Variants in CNGB1 observed in about 807,000 individuals in gnomAD.
CNGB1 encodes the protein cyclic nucleotide-gated channel beta-1.
In CNGB1, 126 loss-of-function variants were observed where a neutral mutation model predicts 151.7. That is an observed-to-expected ratio of 0.83 (90% confidence interval 0.72 to 0.96). The LOEUF (loss-of-function observed/expected upper bound fraction) is 0.96, where lower values mean the gene tolerates loss of function less well. Among genes scored for constraint, CNGB1 ranks in the 40% least tolerant of loss-of-function variants. The pLI is 0.00. For missense variants in CNGB1, 1,698 were observed against 1,627.0 expected, an observed-to-expected ratio of 1.04 and a Z score of -0.75; for synonymous variants, 623 against 635.1, an observed-to-expected ratio of 0.98 and a Z score of 0.29.
rs1159780540 is a variant in CNGB1 at position 57,917,606 on chromosome 16, ATG to A, written c.1958-132_1958-131del. On this transcript the variant is annotated intron_variant, in intron 20 of 32. Coordinates refer to ENST00000251102, the MANE Select transcript of CNGB1 (RefSeq NM_001297.5). ...GTGGCACTTTTGTAAGAGTGTGTGT[ATG>A]TGTGTGTGTGTGTATATATACACAC... 1.6e-3 allele frequency: 828 copies of A among 518,674 alleles called. 1 individual carries two copies. Among genetic ancestry groups the A allele is most frequent in the Middle Eastern group, 1.8e-3 (4 of 2,186 alleles). The allele number at this position is 518,674 out of a possible 1,614,324, so 32.1% of individuals were successfully genotyped here.
chr16:57,889,773 G>A (rs1443333630), intron 31 of CNGB1, among the ~76,000 whole-genome samples: 2 of 152,164 alleles, frequency 1.3e-5, no homozygotes, highest in African/African-American at 4.8e-5. Context: ...AAGCGGCAAA[G>A]CTAGAATTCA....
intron 30 of CNGB1, 44 bp downstream of exon 30, chr16:57,897,752 A>G (rs750434115): frequency 6.3e-7 from 1 of 1,599,634 alleles, no homozygotes; most frequent in Non-Finnish European, 8.6e-7. Context: ...CTTCTTTCCC[A>G]GCCCTTGCCC....
chr16:57,895,219 G>C (rs947205909), intron 31 of CNGB1, among the ~76,000 whole-genome samples: 1 of 152,168 alleles, frequency 6.6e-6, no homozygotes, highest in Non-Finnish European at 1.5e-5. Flanking sequence ...GCCAAGGCAG[G>C]CAGATCACCT....
Position 57,912,822 on chromosome 16 carries a change from G to A in CNGB1, c.2369+108C>T, listed in dbSNP as rs554240866. Reference sequence around the variant, plus strand: ...ATGTTGTGTGTGTGTTGTGTGTGTCGTGTGTGTGTTGTGTGTGTGTCATCT... The same window carrying A: ...ATGTTGTGTGTGTGTTGTGTGTGTCATGTGTGTGTTGTGTGTGTGTCATCT... On this transcript the variant is annotated intron_variant, in intron 24 of 32. Coordinates refer to ENST00000251102, the MANE Select transcript of CNGB1 (RefSeq NM_001297.5). The A allele has an allele frequency of 1.5e-4, 158 of 1,077,278 alleles. 1 individual carries two copies. The highest frequency in any genetic ancestry group is 1.4e-3 in the Middle Eastern group (7 of 4,928). 66.7% of individuals were successfully genotyped at this position (1,077,278 alleles called of 1,614,324 possible).
At chr16:57,967,341 C>A (rs1450698103) in intron 1 of CNGB1, 47 bp from the exon 2 acceptor site, 13 of 1,586,070 alleles carry the variant, frequency 8.2e-6, no homozygotes, top group Non-Finnish European at 1.1e-5. Flanking sequence ...CTCACAGTAG[C>A]TCCCGCCACT....
In CNGB1 at chr16:57,897,479, G is replaced by A. The variant is rs1418906616; in HGVS notation, c.3160C>T (p.Leu1054Phe). Reference sequence around the variant, plus strand: ...AGGTCCTTCTTATCCAGGATGAAGAGGTTGGTAAACCCGTGCGCCACCACG... The same window carrying A: ...AGGTCCTTCTTATCCAGGATGAAGAAGTTGGTAAACCCGTGCGCCACCACG... ...ANVVAHGFTN[L>F]FILDKKDLNE... Residue 1054 changes from leucine (L) to phenylalanine (F), a missense_variant, in exon 31 of 33, where the codon CTC becomes TTC. Transcript: ENST00000251102. The A allele has an allele frequency of 2.5e-6, 4 of 1,614,088 alleles. No individual in the cohort carries two copies. Among genetic ancestry groups the A allele is most frequent in the African/African-American group, 2.7e-5 (2 of 74,926 alleles).
chr16:57,928,397 G>A (rs757787516), intron 17 of CNGB1, among the ~76,000 whole-genome samples: 2 of 152,214 alleles, frequency 1.3e-5, no homozygotes, highest in Non-Finnish European at 2.9e-5. Context: ...CATGGAGCTG[G>A]AGGAATACCC....
chr16:57,921,760 G>T (rs1048645498), intron 18 of CNGB1, among the ~76,000 whole-genome samples: 1 of 152,202 alleles, frequency 6.6e-6, no homozygotes, highest in Admixed American at 6.5e-5. Flanking sequence ...AGTGGGACAT[G>T]GGAAGGCACA....
At chr16:57,906,648 G>A (rs1237018680) in intron 25 of CNGB1, among the ~76,000 whole-genome samples, 2 of 152,246 alleles carry the variant, frequency 1.3e-5, no homozygotes, top group African/African-American at 2.4e-5. Flanking sequence ...GCGAAGCAGC[G>A]TTTAGCGGGA....
At chr16:57,960,810 A>G in intron 8 of CNGB1, 30 bp downstream of exon 8, 11 of 1,608,898 alleles carry the variant, frequency 6.8e-6, no homozygotes, top group Non-Finnish European at 9.3e-6. Flanking sequence ...CCATATACTC[A>G]ACTCCCTGCC....
intron 17 of CNGB1, among the ~76,000 whole-genome samples, chr16:57,929,476 GGAGA>G (rs59227159): frequency 1.4e-5 from 2 of 145,748 alleles, no homozygotes; most frequent in South Asian, 4.3e-4. Context: ...AGAGAGAGAG[GGAGA>G]GAGAGAGAGA....
At chr16:57,947,771 G>A (rs1034801358) in intron 14 of CNGB1, among the ~76,000 whole-genome samples, 1 of 152,174 alleles carries the variant, frequency 6.6e-6, no homozygotes, top group Non-Finnish European at 1.5e-5. Flanking sequence ...GAGGCCACTG[G>A]GGGACGAGAA....
rs148482321 is a variant in CNGB1 at position 57,950,717 on chromosome 16, G to A, written c.875-177C>T. On this transcript the variant is annotated intron_variant, in intron 12 of 32. Coordinates refer to ENST00000251102, the MANE Select transcript of CNGB1 (RefSeq NM_001297.5). The stretch of plus-strand genomic sequence containing the variant: ...AGCGGGACCAGATCGGTGTTCCGGT[G>A]ATAGGTTGAAGCCTGTGCTCATTCA... 1.2e-3 allele frequency among the ~76,000 whole-genome samples: 180 copies of A among 152,358 alleles called. 1 individual carries two copies. The highest frequency in any genetic ancestry group is 3.9e-3 in the South Asian group (19 of 4,830).
intron 2 of CNGB1, 42 bp downstream of exon 2, chr16:57,967,086 G>A (rs937509255): frequency 6.2e-7 from 1 of 1,613,580 alleles, no homozygotes; most frequent in Non-Finnish European, 8.5e-7. Flanking sequence ...AAGACCCTGA[G>A]CAGCGAGGCC....
At chr16:57,957,984 G>A (rs1962134012) in intron 11 of CNGB1, among the ~76,000 whole-genome samples, 1 of 152,206 alleles carries the variant, frequency 6.6e-6, no homozygotes, top group South Asian at 2.1e-4. Flanking sequence ...CAGAGCTCAT[G>A]AGCGCTCCCC....
chr16:57,905,027 C>G (rs1449766448), intron 25 of CNGB1, 152 bp from the exon 26 acceptor site: 2 of 926,866 alleles, frequency 2.2e-6, no homozygotes, highest in Non-Finnish European at 1.7e-6. Flanking sequence ...ACCTCCTGCA[C>G]GTGTAGAGCA....
At chr16:57,968,857 T>G (rs1962462933) in intron 1 of CNGB1, among the ~76,000 whole-genome samples, 1 of 141,020 alleles carries the variant, frequency 7.1e-6, no homozygotes. Context: ...CAAGACCCTG[T>G]CTCTATTTAA....
rs1224326882 is a variant in CNGB1 at position 57,884,254 on chromosome 16, C to A, written c.3666G>T (p.Ser1222=). The A allele has an allele frequency of 1.2e-6, 2 of 1,613,860 alleles. No individual in the cohort carries two copies. Among genetic ancestry groups the A allele is most frequent in the Non-Finnish European group, 1.7e-6 (2 of 1,179,910 alleles). The change falls in exon 33 of 33, where the codon TCG becomes TCT. Residue 1222 remains serine (S), a synonymous_variant. Transcript: ENST00000251102. ...GGCCCGGGCTCATGCAGATCCTCAC[C>A]GAGTGCTCTTCGGGCTCGGCCGGCC... is the stretch of plus-strand genomic sequence containing the variant. ...EEGPAEPEEH[S]VRICMSPGPE...
At chr16:57,956,123 G>T (rs1380790763) in intron 12 of CNGB1, among the ~76,000 whole-genome samples, 1 of 152,170 alleles carries the variant, frequency 6.6e-6, no homozygotes, top group Non-Finnish European at 1.5e-5. Context: ...GGGTTCTGAT[G>T]CTCCATCCTC....
Sources: allele counts gnomAD v4.1 joint callset (sites outside exome capture counted in the v4.1 genomes callset), GRCh38; gene constraint gnomAD v4.1.1; transcripts MANE v1.5; gene names NCBI Gene and HGNC (gene_info 2026-07-23, HGNC 2026-07-21).